Variants in UNC13C observed in about 807,000 individuals in gnomAD.
The protein encoded by UNC13C is unc-13 homolog C.
A neutral mutation model predicts 245.4 loss-of-function variants in UNC13C; 174 were observed. The ratio of observed to expected loss-of-function variants is 0.71; its 90% CI spans 0.63 to 0.80. The LOEUF is 0.80. Among genes scored for constraint, UNC13C ranks in the 30% least tolerant of loss-of-function variants. The probability of loss-of-function intolerance (pLI) is 0.00; values close to 1 mark genes in which losing one functional copy is unlikely to be tolerated. For synonymous variants in UNC13C, 992 were observed against 895.1 expected (o/e 1.11, Z -1.93); for missense variants, 2,829 against 2,602.9 (o/e 1.09, Z -1.89).
At chr15:53,886,487 T>C in the UNC13C span, among the ~76,000 whole-genome samples, 1 of 152,120 alleles carries the variant, frequency 6.6e-6, no homozygotes, top group East Asian at 1.9e-4. Flanking sequence ...GAAATAAGTA[T>C]TCATGAGACC....
intron 19 of UNC13C, among the ~76,000 whole-genome samples, chr15:54,438,487 C>G (rs80168024): frequency 0.089 from 13,557 of 151,924 alleles, 759 homozygotes; most frequent in African/African-American, 0.16. Flanking sequence ...CCACTCTGCT[C>G]TAGTCAACAT....
intron 4 of UNC13C, among the ~76,000 whole-genome samples, chr15:54,188,079 A>G (rs2034057668): frequency 6.6e-6 from 1 of 152,092 alleles, no homozygotes; most frequent in Admixed American, 6.6e-5. Context: ...TGGCCTCCCA[A>G]AGTGCTGGGA....
intron 1 of UNC13C, among the ~76,000 whole-genome samples, chr15:53,989,603 T>C (rs1484628552): frequency 6.6e-6 from 1 of 152,038 alleles, no homozygotes; most frequent in Non-Finnish European, 1.5e-5. Flanking sequence ...TTCTCAGATA[T>C]ACAAATAGCC....
At chr15:54,000,480 ATAGT>A (rs2140973367) in intron 1 of UNC13C, among the ~76,000 whole-genome samples, 1 of 152,310 alleles carries the variant, frequency 6.6e-6, no homozygotes, top group African/African-American at 2.4e-5. Context: ...GCATAAATCT[ATAGT>A]TAATTTTAGT....
intron 19 of UNC13C, among the ~76,000 whole-genome samples, chr15:54,430,631 AC>A: frequency 6.6e-6 from 1 of 151,880 alleles, no homozygotes; most frequent in East Asian, 1.9e-4. Flanking sequence ...CATTTTCTAT[AC>A]CATTGCTGTT....
chr15:54,252,815 G>A (rs2140870705), intron 8 of UNC13C, among the ~76,000 whole-genome samples: 1 of 152,176 alleles, frequency 6.6e-6, no homozygotes, highest in Middle Eastern at 3.4e-3. Flanking sequence ...TTTATAAAAT[G>A]GCCATTCAAT....
chr15:54,002,176 C>T (rs1894923515), intron 1 of UNC13C, among the ~76,000 whole-genome samples: 2 of 152,098 alleles, frequency 1.3e-5, no homozygotes, highest in Non-Finnish European at 1.5e-5. Context: ...GTCCCAGCTA[C>T]TCGGGAGGCT....
At chr15:54,245,097 T>C (rs9302174) in intron 7 of UNC13C, among the ~76,000 whole-genome samples, 57,387 of 151,968 alleles carry the variant, frequency 0.38, 11,893 homozygotes, top group African/African-American at 0.55. Flanking sequence ...TCTTAGACTT[T>C]CCACATTAAA....
At chr15:53,988,404 T>C (rs1318413960) in intron 1 of UNC13C, among the ~76,000 whole-genome samples, 1 of 151,868 alleles carries the variant, frequency 6.6e-6, no homozygotes. Context: ...CATAAAAAAA[T>C]AACAAAATTG....
intron 19 of UNC13C, among the ~76,000 whole-genome samples, chr15:54,451,609 G>A (rs555376693): frequency 1.3e-5 from 2 of 151,716 alleles, no homozygotes; most frequent in African/African-American, 4.8e-5. Context: ...GGATATTTTG[G>A]TTATTTTATA....
the UNC13C span, among the ~76,000 whole-genome samples, chr15:53,922,274 T>A: frequency 6.6e-6 from 1 of 152,206 alleles, no homozygotes; most frequent in African/African-American, 2.4e-5. Context: ...TGTGTCAATC[T>A]GGCTCAAGTT....
intron 17 of UNC13C, among the ~76,000 whole-genome samples, chr15:54,367,788 A>G (rs1286229642): frequency 6.6e-6 from 1 of 152,096 alleles, no homozygotes; most frequent in Non-Finnish European, 1.5e-5. Flanking sequence ...GATGGTAGAT[A>G]TATTTTATAT....
At chr15:54,018,912 G>A (rs1566954444) in intron 2 of UNC13C, among the ~76,000 whole-genome samples, 2 of 152,020 alleles carry the variant, frequency 1.3e-5, no homozygotes, top group African/African-American at 2.4e-5. Context: ...AATCAAGAGA[G>A]GTGGGATACT....
chr15:54,455,237 ATG>A (rs1891444815), intron 19 of UNC13C, among the ~76,000 whole-genome samples: 2 of 89,742 alleles, frequency 2.2e-5, no homozygotes, highest in East Asian at 3.6e-4. Flanking sequence ...ATATATATAT[ATG>A]TTTTTTAATC....
chr15:54,560,967 A>G (rs1354863704), intron 29 of UNC13C, among the ~76,000 whole-genome samples: 2 of 151,936 alleles, frequency 1.3e-5, no homozygotes, highest in Admixed American at 6.6e-5. Flanking sequence ...TTCTCTTTCT[A>G]CTCTTAAGCC....
rs2899538 is a variant in UNC13C, at chr15:54,313,106, T to C, written c.4269-8833T>C. On this transcript the variant is annotated intron_variant, in intron 13 of 32. Coordinates refer to ENST00000260323, the MANE Select transcript of UNC13C (RefSeq NM_001080534.3). ...TTAATTTTAATCAAAATGTAAAATA[T>C]TTCTGTCAGCTTTCTAAGAGGAATA... Among the ~76,000 whole-genome samples, 1,340 of 151,846 alleles carry C rather than the reference T, an allele frequency of 8.8e-3. 24 individuals carry two copies. The highest frequency in any genetic ancestry group is 0.018 in the East Asian group (94 of 5,122).
At chr15:54,532,269 G>A (rs563399490) in intron 25 of UNC13C, among the ~76,000 whole-genome samples, 1 of 152,166 alleles carries the variant, frequency 6.6e-6, no homozygotes, top group African/African-American at 2.4e-5. Flanking sequence ...AGACAGTGTG[G>A]CAATTCCTCA....
intron 19 of UNC13C, among the ~76,000 whole-genome samples, chr15:54,484,241 A>G (rs1893286961): frequency 6.6e-6 from 1 of 152,186 alleles, no homozygotes; most frequent in Admixed American, 6.5e-5. Context: ...ACACATCTGA[A>G]TGGGTCATTG....
the UNC13C span, among the ~76,000 whole-genome samples, chr15:53,945,053 A>C: frequency 1.3e-5 from 2 of 151,972 alleles, no homozygotes; most frequent in Non-Finnish European, 1.5e-5. Flanking sequence ...GGCTGCATGT[A>C]TGTCTTCTTT....
Sources: gnomAD v4.1 joint callset for allele counts (sites outside exome capture counted in the v4.1 genomes callset) on GRCh38, gnomAD v4.1.1 for gene constraint, MANE v1.5 for transcripts, NCBI Gene and HGNC (gene_info 2026-07-23, HGNC 2026-07-21) for gene names.